The following NR2F1 variants were observed in gnomAD, a reference collection of about 807,000 sequenced individuals.
NR2F1 encodes COUP transcription factor 1.
NR2F1 carries 1 observed loss-of-function variant against 37.7 expected under a neutral mutation model. The observed-to-expected ratio is 0.03, with a 90% CI of 0.01 to 0.13. The LOEUF (loss-of-function observed/expected upper bound fraction) is 0.13. Among genes scored for constraint, NR2F1 ranks in the 10% least tolerant of loss-of-function variants. The probability of loss-of-function intolerance (pLI) is 1.00; values close to 1 mark genes in which losing one functional copy is unlikely to be tolerated. For missense variants in NR2F1, 268 were observed against 578.4 expected, an observed-to-expected ratio of 0.46 and a Z score of 5.50; for synonymous variants, 275 against 259.6, an observed-to-expected ratio of 1.06 and a Z score of -0.57.
At chr5:93,590,454 T>A (rs1490905660) in intron 2 of NR2F1, among the ~76,000 whole-genome samples, 1 of 152,202 alleles carries the variant, frequency 6.6e-6, no homozygotes, top group Non-Finnish European at 1.5e-5. Context: ...GTGAAAAGTG[T>A]TCATTTAAAA....
Position 93,593,596 on chromosome 5 carries a change from G to C in NR2F1, c.1026G>C (p.Glu342Asp). The stretch of plus-strand genomic sequence containing the variant: ...GCCTGTCGGATGCGGCCCACATCGA[G>C]AGCCTGCAGGAGAAGTCGCAGTGCG... ...ACGLSDAAHI[E>D]SLQEKSQCAL... is the part of the protein sequence containing the mutation. Residue 342 changes from glutamate (E) to aspartate (D), a missense_variant, in exon 3 of 3, where the codon GAG becomes GAC. This residue lies in a region of NR2F1 where 99 missense variants were observed against 191.9 expected (regional missense o/e 0.52). Coordinates refer to ENST00000327111, the MANE Select transcript of NR2F1 (RefSeq NM_005654.6). This position sits in a 1 kb window ranked among gnomAD's most constrained non-coding sequence, Gnocchi z 5.6. 1 of 1,613,920 alleles carries C rather than the reference G, an allele frequency of 6.2e-7. No homozygotes were observed. Among genetic ancestry groups the C allele is most frequent in the Non-Finnish European group, 8.5e-7 (1 of 1,179,996 alleles).
chr5:93,590,026 G>A (rs145210102), intron 2 of NR2F1, among the ~76,000 whole-genome samples: 1 of 152,352 alleles, frequency 6.6e-6, no homozygotes, highest in African/African-American at 2.4e-5. Context: ...GTATTTGAAT[G>A]CATTTTATCT....
rs1189509268 is a variant in NR2F1, at chr5:93,594,484, T to C, written c.*642T>C. The C allele has an allele frequency of 6.6e-6, 1 of 152,236 alleles. No homozygotes were observed. The highest frequency in any genetic ancestry group is 1.5e-5 in the Non-Finnish European group (1 of 68,052). 9.4% of individuals were successfully genotyped at this position (152,236 alleles called of 1,614,324 possible). The stretch of plus-strand genomic sequence containing the variant: ...GGTTCCAAACCAGATTTCCTGTGAT[T>C]CTATACTAATAATTTTTGATATAAC... On this transcript the variant is annotated 3_prime_UTR_variant, in exon 3 of 3. Coordinates refer to ENST00000327111, the MANE Select transcript of NR2F1 (RefSeq NM_005654.6).
In NR2F1 at chr5:93,593,713, C is replaced by A. The variant is rs1302853682; in HGVS notation, c.1143C>A (p.Ser381=). ...LLRLPSLRTV[S]SSVIEQLFFV... ...GACTGCCCTCGCTGCGCACCGTGTC[C>A]TCCTCCGTCATCGAGCAGCTCTTCT... Residue 381 remains serine, a synonymous_variant, in exon 3 of 3, where the codon TCC becomes TCA. Transcript: ENST00000327111. The surrounding 1 kb of genome is among the most constrained non-coding windows in gnomAD (Gnocchi z 5.6). 1 of 1,614,228 alleles carries A rather than the reference C, an allele frequency of 6.2e-7. No homozygotes were observed. The highest frequency in any genetic ancestry group is 1.1e-5 in the South Asian group (1 of 91,084).
chr5:93,588,339 A>G lies in NR2F1; in HGVS notation c.886A>G (p.Met296Val), dbSNP rs1281229857. The change falls in exon 2 of 3, where the codon ATG becomes GTG. Residue 296 changes from methionine (M) to valine (V), a missense_variant. Met to Val is a conservative substitution (Grantham distance 21, BLOSUM62 1). Coordinates refer to ENST00000327111, the MANE Select transcript of NR2F1 (RefSeq NM_005654.6). ...GTCTGCCGACCGCGTCGTGGCCTTC[A>G]TGGACCACATCCGCATCTTCCAGGA... ...PMSADRVVAF[M>V]DHIRIFQEQV... is the part of the protein sequence containing the mutation. The G allele has an allele frequency of 1.9e-6, 3 of 1,613,172 alleles. No individual in the cohort carries two copies. The highest frequency in any genetic ancestry group is 2.5e-6 in the Non-Finnish European group (3 of 1,179,848).
At chr5:93,585,517 C>T (rs1395090506) in intron 1 of NR2F1, 31 bp downstream of exon 1, 1 of 1,553,730 alleles carries the variant, frequency 6.4e-7, no homozygotes, top group Non-Finnish European at 8.8e-7. Flanking sequence ...TCTCTCCCCG[C>T]GCTTCGCCCG....
chr5:93,588,600 G>T (rs1753274674), intron 2 of NR2F1, among the ~76,000 whole-genome samples, 156 bp downstream of exon 2: 1 of 149,210 alleles, frequency 6.7e-6, no homozygotes, highest in Admixed American at 6.7e-5. Context: ...TGACCCCCGC[G>T]CGGTGACCGG....
At position 93,585,457 on chromosome 5, in the gene NR2F1, A is replaced by C; in HGVS notation, c.434A>C (p.Lys145Thr). ...CAGTGCCAATACTGCCGCCTCAAGA[A>C]GTGCCTCAAAGTGGGCATGAGGCGG... ...RNQCQYCRLK[K>T]CLKVGMRREA... The change falls in exon 1 of 3, where the codon AAG (lysine) becomes ACG (threonine). Residue 145 changes from lysine (K) to threonine (T), a missense_variant. By Grantham distance (78) the Lys-to-Thr change is moderately conservative. Coordinates refer to ENST00000327111, the MANE Select transcript of NR2F1 (RefSeq NM_005654.6). 6.2e-7 allele frequency: 1 copy of C among 1,613,390 alleles called. No homozygotes were observed. The highest frequency in any genetic ancestry group is 8.5e-7 in the Non-Finnish European group (1 of 1,179,432).
At chr5:93,585,554 G>A (rs1016133657) in intron 1 of NR2F1, 68 bp downstream of exon 1, 13 of 1,346,040 alleles carry the variant, frequency 9.7e-6, no homozygotes, top group African/African-American at 1.4e-5. Context: ...TTTCTTTCTC[G>A]CCCGGGTGGT....
At chr5:93,588,776 T>TGC (rs148092401) in intron 2 of NR2F1, among the ~76,000 whole-genome samples, 5 of 148,814 alleles carry the variant, frequency 3.4e-5, no homozygotes, top group Admixed American at 6.6e-5. Flanking sequence ...TCCGTCTGGC[T>TGC]GCGCGCGCGC....
chr5:93,591,464 C>A (rs1369952784), intron 2 of NR2F1, among the ~76,000 whole-genome samples: 1 of 152,180 alleles, frequency 6.6e-6, no homozygotes, highest in African/African-American at 2.4e-5. Context: ...ACAGAGCTAG[C>A]TGGCTGGTAC....
rs1460409087 is a variant in NR2F1, at chr5:93,593,556, G to T, written c.992-6G>T. 1.2e-6 allele frequency: 2 copies of T among 1,609,802 alleles called. No homozygotes were observed. The highest frequency in any genetic ancestry group is 1.1e-5 in the South Asian group (1 of 90,972). The stretch of plus-strand genomic sequence containing the variant: ...CTGTCTCTCCCTCCTGTGGCTGCTT[G>T]GGCAGACGCCTGTGGCCTGTCGGAT... On this transcript the variant is annotated splice_region_variant and splice_polypyrimidine_tract_variant and intron_variant, in intron 2 of 2. Transcript: ENST00000327111. The surrounding 1 kb of genome is among the most constrained non-coding windows in gnomAD (Gnocchi z 5.6).
In NR2F1 at chr5:93,593,028, G is replaced by A. The variant is rs540144900; in HGVS notation, c.992-534G>A. Among the ~76,000 whole-genome samples, 13 of 152,220 alleles carry A rather than the reference G, an allele frequency of 8.5e-5. No homozygotes were observed. Among genetic ancestry groups the A allele is most frequent in the African/African-American group, 3.1e-4 (13 of 41,528 alleles). On this transcript the variant is annotated intron_variant, in intron 2 of 2. Transcript: ENST00000327111. The surrounding 1 kb of genome is among the most constrained non-coding windows in gnomAD (Gnocchi z 5.6). Reference sequence around the variant, plus strand: ...ACTACACAATCTAGGTTCTCCTGGAGGTTTCTGGTTGGGGTGGTTTGGGTT... The same window carrying A: ...ACTACACAATCTAGGTTCTCCTGGAAGTTTCTGGTTGGGGTGGTTTGGGTT...
At chr5:93,585,657 C>A in intron 1 of NR2F1, 171 bp downstream of exon 1, 1 of 609,658 alleles carries the variant, frequency 1.6e-6, no homozygotes, top group Non-Finnish European at 2.9e-6. Context: ...CCCCGCCCTC[C>A]CCAGCTCGCT....
At chr5:93,591,002 A>G (rs1264683874) in intron 2 of NR2F1, among the ~76,000 whole-genome samples, 1 of 152,238 alleles carries the variant, frequency 6.6e-6, no homozygotes, top group Non-Finnish European at 1.5e-5. Context: ...TTTCAGCACA[A>G]TAATAACTTT....
rs1202876185 is a variant in NR2F1, at chr5:93,588,116, G to A, written c.663G>A (p.Glu221=). 1 of 1,614,196 alleles carries A rather than the reference G, an allele frequency of 6.2e-7. No individual in the cohort carries two copies. Among genetic ancestry groups the A allele is most frequent in the Non-Finnish European group, 8.5e-7 (1 of 1,180,040 alleles). ...NNIMGIENIC[E]LAARLLFSAV... is the part of the protein sequence containing the mutation. The stretch of plus-strand genomic sequence containing the variant: ...TTATGGGCATCGAGAACATCTGCGA[G>A]CTGGCCGCGCGCCTGCTCTTCAGCG... Residue 221 remains glutamate, a synonymous_variant, in exon 2 of 3, where the codon GAG becomes GAA. Coordinates refer to ENST00000327111, the MANE Select transcript of NR2F1 (RefSeq NM_005654.6).
Position 93,584,184 on chromosome 5 carries a change from G to C in NR2F1, c.-840G>C, listed in dbSNP as rs1048820229. 6.7e-6 allele frequency: 1 copy of C among 148,708 alleles called. No homozygotes were observed. Among genetic ancestry groups the C allele is most frequent in the Non-Finnish European group, 1.5e-5 (1 of 66,718 alleles). The allele number at this position is 148,708 out of a possible 1,614,324, so 9.2% of individuals were successfully genotyped here. A position where few individuals can be genotyped will look rare whatever the true frequency, so the allele number is the denominator to read the frequency against. On this transcript the variant is annotated 5_prime_UTR_variant, in exon 1 of 3. Coordinates refer to ENST00000327111, the MANE Select transcript of NR2F1 (RefSeq NM_005654.6). The stretch of plus-strand genomic sequence containing the variant: ...CAGCGGCGGCGCCGCGGGCGGCCCC[G>C]GCCTCCGCTCGCGCTCCGGCTGCGG...
chr5:93,591,009 C>T (rs1223519028), intron 2 of NR2F1, among the ~76,000 whole-genome samples: 1 of 152,206 alleles, frequency 6.6e-6, no homozygotes, highest in African/African-American at 2.4e-5. Context: ...ACAATAATAA[C>T]TTTGATTTCT....
Position 93,584,961 on chromosome 5 carries a change from C to A in NR2F1, c.-63C>A. 1 of 715,010 alleles carries A rather than the reference C, an allele frequency of 1.4e-6. No individual in the cohort carries two copies. The highest frequency in any genetic ancestry group is 1.7e-6 in the Non-Finnish European group (1 of 585,240). 44.3% of individuals were successfully genotyped at this position (715,010 alleles called of 1,614,324 possible). On this transcript the variant is annotated 5_prime_UTR_variant, in exon 1 of 3. Coordinates refer to ENST00000327111, the MANE Select transcript of NR2F1 (RefSeq NM_005654.6). The stretch of plus-strand genomic sequence containing the variant: ...CTTCCCCTTCCCCTCCCAGCGCGCC[C>A]GCGCGCCCCGCGGCCCTCGGCGAGC...
Sources: allele counts gnomAD v4.1 joint callset (sites outside exome capture counted in the v4.1 genomes callset), GRCh38; gene constraint gnomAD v4.1.1; regional missense constraint gnomAD v4.1.1; non-coding constraint Gnocchi (gnomAD v3.1); transcripts MANE v1.5; gene names NCBI Gene and HGNC (gene_info 2026-07-23, HGNC 2026-07-21).